The following ANKRD31 variants were observed in gnomAD, a reference collection of about 807,000 sequenced individuals.
ANKRD31 encodes the protein ankyrin repeat domain 31, also known as ankyrin repeat domain-containing protein 31.
ANKRD31 carries 147 observed loss-of-function variants against 186.0 expected under a neutral mutation model. That is an observed-to-expected ratio of 0.79 (90% CI 0.69 to 0.91). ANKRD31 has a LOEUF of 0.91. Among genes scored for constraint, ANKRD31 ranks in the 40% least tolerant of loss-of-function variants. ANKRD31 has a pLI of 0.00. For synonymous variants in ANKRD31, 673 were observed against 736.4 expected, an observed-to-expected ratio of 0.91 and a Z score of 1.39; for missense variants, 1,986 against 2,148.8, an observed-to-expected ratio of 0.92 and a Z score of 1.50.
chr5:75,143,362 G>A (rs1038599757), intron 15 of ANKRD31, among the ~76,000 whole-genome samples: 3 of 152,090 alleles, frequency 2.0e-5, no homozygotes, highest in Non-Finnish European at 2.9e-5. Context: ...GTTTTGGGGG[G>A]CCAGCATTCA....
intron 2 of ANKRD31, chr5:75,225,501 AT>A: frequency 3.8e-6 from 1 of 263,952 alleles, no homozygotes; most frequent in East Asian, 1.2e-4. Flanking sequence ...ACAGTTTAGG[AT>A]TAGGAGTCAT....
chr5:75,071,856 T>C (rs959075112), intron 25 of ANKRD31, among the ~76,000 whole-genome samples: 14 of 152,172 alleles, frequency 9.2e-5, no homozygotes, highest in African/African-American at 3.4e-4. Context: ...AGGAATCTTT[T>C]GACACCATGG....
chr5:75,232,776 G>A (rs947601205), intron 1 of ANKRD31, among the ~76,000 whole-genome samples: 1 of 152,006 alleles, frequency 6.6e-6, no homozygotes. Flanking sequence ...TGTGACATAC[G>A]GATTACTCTG....
intron 2 of ANKRD31, chr5:75,225,400 A>G (rs528707662): frequency 6.3e-6 from 1 of 159,230 alleles, no homozygotes; most frequent in South Asian, 1.8e-4. Flanking sequence ...TGGTCAACAA[A>G]ATCCCCAAGG....
chr5:75,234,823 A>G (rs1758158296), intron 1 of ANKRD31, among the ~76,000 whole-genome samples: 1 of 120,276 alleles, frequency 8.3e-6, no homozygotes, highest in Non-Finnish European at 1.6e-5. Flanking sequence ...GCTTCTTGTA[A>G]TACTTTTTGG....
At position 75,146,451 on chromosome 5, in the gene ANKRD31, G is replaced by A. The variant is rs997191061; in HGVS notation, c.2960C>T (p.Ala987Val). The A allele has an allele frequency of 6.5e-7, 1 of 1,536,378 alleles. No homozygotes were observed. The highest frequency in any genetic ancestry group is 1.2e-5 in the South Asian group (1 of 84,020). Residue 987 changes from alanine to valine, a missense_variant, in exon 14 of 26, where the codon GCA becomes GTA. Ala to Val is a moderately conservative substitution (Grantham distance 64). Transcript: ENST00000506364. ...SDNAVISEHV[A>V]NYEQCIFGPS... Reference sequence around the variant, plus strand: ...TCCAAATATGCATTGTTCATAATTTGCAACATGTTCAGAAATAACTGCATT... The same window carrying A: ...TCCAAATATGCATTGTTCATAATTTACAACATGTTCAGAAATAACTGCATT...
At chr5:75,185,973 G>C (rs1045268815) in intron 10 of ANKRD31, among the ~76,000 whole-genome samples, 2 of 152,128 alleles carry the variant, frequency 1.3e-5, no homozygotes, top group African/African-American at 2.4e-5. Context: ...ATCAGTTTCA[G>C]GGCTGAAAGA....
At chr5:75,094,903 C>G (rs576242730) in intron 22 of ANKRD31, among the ~76,000 whole-genome samples, 30 of 152,124 alleles carry the variant, frequency 2.0e-4, no homozygotes, top group Middle Eastern at 6.8e-3. Flanking sequence ...ATCAAACAAA[C>G]TAGATCTTAA....
chr5:75,176,895 C>A (rs1264396846), intron 10 of ANKRD31, among the ~76,000 whole-genome samples: 1 of 152,058 alleles, frequency 6.6e-6, no homozygotes, highest in Non-Finnish European at 1.5e-5. Context: ...ATGACTTTGA[C>A]GAGTTGAGAG....
chr5:75,213,870 G>A (rs1756801185), intron 3 of ANKRD31, among the ~76,000 whole-genome samples: 1 of 152,212 alleles, frequency 6.6e-6, no homozygotes, highest in Admixed American at 6.5e-5. Flanking sequence ...TGGGAGTGGA[G>A]TGGAAGAAGT....
chr5:75,236,875 G>A lies in ANKRD31; in HGVS notation c.-189C>T, dbSNP rs1451681510. On this transcript the variant is annotated 5_prime_UTR_variant, in exon 1 of 26. Coordinates refer to ENST00000506364, the MANE Select transcript of ANKRD31 (RefSeq NM_001372053.1). ...CGGCCGCGAGCGCGGCGGGGTAGCA[G>A]TCTGCGAGGCGGCCCGCGGGTCCCG... is the stretch of plus-strand genomic sequence containing the variant. The A allele has an allele frequency of 7.0e-6, 3 of 428,476 alleles. No individual in the cohort carries two copies. The highest frequency in any genetic ancestry group is 1.2e-5 in the Non-Finnish European group (3 of 248,926). The allele number at this position is 428,476 out of a possible 1,614,324, so 26.5% of individuals were successfully genotyped here.
intron 2 of ANKRD31, among the ~76,000 whole-genome samples, chr5:75,229,881 AAAAAAAC>A (rs1446293188): frequency 2.4e-5 from 2 of 84,926 alleles, no homozygotes; most frequent in African/African-American, 1.0e-4. Context: ...AAAAAAAAAA[AAAAAAAC>A]AAAAAAAACA....
chr5:75,223,472 C>T (rs979728403), intron 2 of ANKRD31, among the ~76,000 whole-genome samples: 7 of 151,954 alleles, frequency 4.6e-5, no homozygotes, highest in African/African-American at 7.3e-5. Context: ...TCCAAAAAAG[C>T]CACAGTTTTT....
chr5:75,230,677 C>A, intron 1 of ANKRD31, 42 bp from the exon 2 acceptor site: 1 of 1,427,258 alleles, frequency 7.0e-7, no homozygotes, highest in South Asian at 1.3e-5. Flanking sequence ...GTTAATGTGT[C>A]TTAAACAAAG....
At chr5:75,170,851 G>C (rs1168630862) in intron 10 of ANKRD31, among the ~76,000 whole-genome samples, 1 of 152,010 alleles carries the variant, frequency 6.6e-6, no homozygotes, top group Non-Finnish European at 1.5e-5. Flanking sequence ...ATATATAGTA[G>C]AGTTCAAGAT....
Position 75,146,515 on chromosome 5 carries a change from G to T in ANKRD31, c.2896C>A (p.Leu966Ile). 1 of 1,536,584 alleles carries T rather than the reference G, an allele frequency of 6.5e-7. No homozygotes were observed. Among genetic ancestry groups the T allele is most frequent in the Non-Finnish European group, 8.7e-7 (1 of 1,146,490 alleles). ...AAATTAACAGCTTCCTGTTCTGGAA[G>T]TGTGGTTAGGCTGACTGCTTTTAAC... The part of the protein sequence containing the change: ...NELKAVSLTT[L>I]PEQEAVNFSY... Residue 966 changes from leucine to isoleucine, a missense_variant, in exon 14 of 26, where the codon CTT becomes ATT. Physicochemically the swap from Leu to Ile is conservative, Grantham distance 5 (BLOSUM62 2). Coordinates refer to ENST00000506364, the MANE Select transcript of ANKRD31 (RefSeq NM_001372053.1).
At chr5:75,086,781 C>A (rs1204068437) in intron 23 of ANKRD31, among the ~76,000 whole-genome samples, 1 of 152,184 alleles carries the variant, frequency 6.6e-6, no homozygotes. Flanking sequence ...GAAGCTCTTA[C>A]AACACTCCAT....
chr5:75,105,288 G>C (rs888162854), intron 21 of ANKRD31, 70 bp from the exon 22 acceptor site: 6 of 1,361,460 alleles, frequency 4.4e-6, no homozygotes, highest in Non-Finnish European at 5.7e-6. Context: ...TCACTTAGAG[G>C]TTAAAGATAC....
At chr5:75,088,851 C>G (rs1473168408) in intron 23 of ANKRD31, among the ~76,000 whole-genome samples, 1 of 152,196 alleles carries the variant, frequency 6.6e-6, no homozygotes. Flanking sequence ...CAGTGCTATT[C>G]AAGCTCCACA....
Sources: allele counts gnomAD v4.1 joint callset (sites outside exome capture counted in the v4.1 genomes callset), GRCh38; gene constraint gnomAD v4.1.1; transcripts MANE v1.5; gene names NCBI Gene and HGNC (gene_info 2026-07-23, HGNC 2026-07-21).